Variants in NETO1 observed in about 807,000 individuals in gnomAD.
NETO1 encodes neuropilin and tolloid-like protein 1.
NETO1 carries 26 observed loss-of-function variants against 61.3 expected under a neutral mutation model. The ratio of observed to expected loss-of-function variants is 0.42; its 90% CI spans 0.31 to 0.59. NETO1 has a LOEUF of 0.59. Ranked by LOEUF, NETO1 falls within the 20% of genes least tolerant of loss-of-function variation. The pLI, the probability that NETO1 is intolerant of heterozygous loss-of-function variation, is 0.12. For synonymous variants in NETO1, 225 were observed against 225.8 expected (o/e 1.00, Z 0.03); for missense variants, 531 against 662.8 (o/e 0.80, Z 2.18).
At chr18:72,770,546 C>G (rs1246820343) in intron 7 of NETO1, among the ~76,000 whole-genome samples, 2 of 152,020 alleles carry the variant, frequency 1.3e-5, no homozygotes, top group African/African-American at 2.4e-5. Context: ...ATTTATGCTA[C>G]TATATGACAT....
intron 1 of NETO1, 34 bp downstream of exon 1, chr18:72,867,230 G>C (rs773803204): frequency 6.6e-7 from 1 of 1,519,000 alleles, no homozygotes; most frequent in Non-Finnish European, 8.9e-7. Flanking sequence ...GGCTGGCTCC[G>C]GGAGCGCACG....
At chr18:72,781,328 T>C (rs929052834) in intron 7 of NETO1, among the ~76,000 whole-genome samples, 5 of 152,158 alleles carry the variant, frequency 3.3e-5, no homozygotes, top group Non-Finnish European at 5.9e-5. Flanking sequence ...ATTCCCTCAC[T>C]GAAGGAATGA....
chr18:72,824,018 C>G (rs1353952348), intron 4 of NETO1, among the ~76,000 whole-genome samples: 1 of 152,238 alleles, frequency 6.6e-6, no homozygotes, highest in Non-Finnish European at 1.5e-5. Context: ...AAACATCACT[C>G]TGGCTGCTAT....
rs559628389 is a variant in NETO1 at position 72,744,487 on chromosome 18, A to G, written c.*3692T>C. On this transcript the variant is annotated 3_prime_UTR_variant, in exon 11 of 11. Coordinates refer to ENST00000327305, the MANE Select transcript of NETO1 (RefSeq NM_138966.5). ...CAAGACCTGTTTATTTTGTTGTTGA[A>G]TCTATTTTACAATTTCTTGGCTGGG... 3.3e-5 allele frequency: 5 copies of G among 152,244 alleles called. No individual in the cohort carries two copies. The highest frequency in any genetic ancestry group is 6.5e-5 in the Admixed American group (1 of 15,284). 9.4% of individuals were successfully genotyped at this position (152,244 alleles called of 1,614,324 possible).
intron 7 of NETO1, among the ~76,000 whole-genome samples, chr18:72,765,537 G>C (rs1228774777): frequency 6.6e-6 from 1 of 151,964 alleles, no homozygotes; most frequent in Non-Finnish European, 1.5e-5. Flanking sequence ...TCGTGTCTCA[G>C]CCTCCCGAGT....
At chr18:72,836,407 G>A (rs1246690577) in intron 4 of NETO1, among the ~76,000 whole-genome samples, 1 of 151,946 alleles carries the variant, frequency 6.6e-6, no homozygotes, top group Admixed American at 6.6e-5. Flanking sequence ...CCCACTTATT[G>A]TAACTTTAAT....
chr18:72,752,535 T>C (rs2070655860), intron 8 of NETO1, among the ~76,000 whole-genome samples: 1 of 152,104 alleles, frequency 6.6e-6, no homozygotes, highest in South Asian at 2.1e-4. Context: ...CTACAAGTCC[T>C]GGGAGGAAGG....
At chr18:72,834,029 T>C (rs1021139953) in intron 4 of NETO1, 9 of 728,892 alleles carry the variant, frequency 1.2e-5, no homozygotes, top group Non-Finnish European at 1.5e-5. Context: ...AAGAGACAGA[T>C]ATATTTTCAT....
intron 7 of NETO1, among the ~76,000 whole-genome samples, chr18:72,762,698 T>C (rs2071018641): frequency 6.6e-6 from 1 of 152,242 alleles, no homozygotes; most frequent in Non-Finnish European, 1.5e-5. Context: ...TAAACCCTCA[T>C]CTATTCCCAT....
At chr18:72,842,342 T>C (rs2073960342) in intron 4 of NETO1, among the ~76,000 whole-genome samples, 1 of 152,178 alleles carries the variant, frequency 6.6e-6, no homozygotes, top group African/African-American at 2.4e-5. Flanking sequence ...GTTACGAGTT[T>C]CGAATAAACT....
intron 4 of NETO1, among the ~76,000 whole-genome samples, chr18:72,803,683 TG>T (rs2072580697): frequency 6.6e-6 from 1 of 151,900 alleles, no homozygotes; most frequent in Non-Finnish European, 1.5e-5. Context: ...TAGTCAGGTG[TG>T]GTGGCACATG....
chr18:72,751,951 G>A (rs951854414), intron 8 of NETO1: 16 of 152,262 alleles, frequency 1.1e-4, no homozygotes, highest in African/African-American at 2.9e-4. Context: ...TCGAAAGTTC[G>A]TCTTATTGCT....
At chr18:72,851,962 G>C (rs1350665194) in intron 4 of NETO1, among the ~76,000 whole-genome samples, 1 of 152,090 alleles carries the variant, frequency 6.6e-6, no homozygotes, top group Non-Finnish European at 1.5e-5. Context: ...CTAGCACTCT[G>C]CTCTCTTGAT....
At chr18:72,855,583 T>C (rs1014699713) in intron 4 of NETO1, among the ~76,000 whole-genome samples, 44 of 152,290 alleles carry the variant, frequency 2.9e-4, no homozygotes, top group African/African-American at 1.1e-3. Context: ...GTTGGGCTGT[T>C]CCCACGTACA....
In NETO1 at chr18:72,830,425, A is replaced by G. The variant is rs148924506; in HGVS notation, c.469+28401T>C. The stretch of plus-strand genomic sequence containing the variant: ...TGTGTTTTCAGAAAAATTTTGTGAG[A>G]TCACCTTTGCTGGGCGGTGAAAGGG... On this transcript the variant is annotated intron_variant, in intron 4 of 10. Coordinates refer to ENST00000327305, the MANE Select transcript of NETO1 (RefSeq NM_138966.5). This position sits in a 1 kb window ranked among gnomAD's most constrained non-coding sequence, Gnocchi z 4.9. Among the ~76,000 whole-genome samples, 63 of 152,304 alleles carry G rather than the reference A, an allele frequency of 4.1e-4. No homozygotes were observed. Among genetic ancestry groups the G allele is most frequent in the Non-Finnish European group, 8.2e-4 (56 of 68,028 alleles).
intron 4 of NETO1, among the ~76,000 whole-genome samples, chr18:72,825,370 G>A (rs1180308685): frequency 6.6e-6 from 1 of 152,138 alleles, no homozygotes; most frequent in Non-Finnish European, 1.5e-5. Flanking sequence ...TTGGCAAAAA[G>A]TGTTGATAAC....
intron 6 of NETO1, among the ~76,000 whole-genome samples, chr18:72,789,603 C>T (rs79276187): frequency 0.027 from 4,125 of 152,210 alleles, 73 homozygotes; most frequent in Non-Finnish European, 0.043. Context: ...AAATAACACC[C>T]ATGTACTATC....
At position 72,864,961 on chromosome 18, in the gene NETO1, A is replaced by G. The variant is rs756441271; in HGVS notation, c.83-16T>C. On this transcript the variant is annotated splice_polypyrimidine_tract_variant and intron_variant, in intron 2 of 10. Coordinates refer to ENST00000327305, the MANE Select transcript of NETO1 (RefSeq NM_138966.5). ...GTTTGCTTTTCTGTTAAAAAAAAAA[A>G]AAAGTTTTAAAAAGAGCCATCATCC... 1 of 1,573,850 alleles carries G rather than the reference A, an allele frequency of 6.4e-7. No individual in the cohort carries two copies. Among genetic ancestry groups the G allele is most frequent in the Non-Finnish European group, 8.6e-7 (1 of 1,168,524 alleles).
chr18:72,753,265 G>A (rs1483360581), intron 8 of NETO1, among the ~76,000 whole-genome samples: 1 of 148,816 alleles, frequency 6.7e-6, no homozygotes. Flanking sequence ...AGCAACAGAG[G>A]AAAAAAAAAA....
Sources: allele counts gnomAD v4.1 joint callset (sites outside exome capture counted in the v4.1 genomes callset), GRCh38; gene constraint gnomAD v4.1.1; non-coding constraint Gnocchi (gnomAD v3.1); transcripts MANE v1.5; gene names NCBI Gene and HGNC (gene_info 2026-07-23, HGNC 2026-07-21).